EXOC6B: variants seen among roughly 807,000 people sequenced by gnomAD.
EXOC6B encodes SEC15 homolog B.
Under a neutral mutation model 113.5 loss-of-function variants are expected in EXOC6B, and 54 were observed. The observed-to-expected ratio is 0.48, with a 90% CI of 0.38 to 0.60. EXOC6B has a LOEUF of 0.60. Among genes scored for constraint, EXOC6B ranks in the 20% least tolerant of loss-of-function variants. The pLI is 0.00. For missense variants in EXOC6B, 797 were observed against 977.5 expected, an observed-to-expected ratio of 0.82 and a Z score of 2.46; for synonymous variants, 357 against 339.0, an observed-to-expected ratio of 1.05 and a Z score of -0.58.
chr2:72,523,575 G>A (rs1249776064), intron 8 of EXOC6B, among the ~76,000 whole-genome samples: 1 of 152,040 alleles, frequency 6.6e-6, no homozygotes, highest in Non-Finnish European at 1.5e-5. Flanking sequence ...TCAGGAGATC[G>A]TAGCCATCCT....
At chr2:72,408,836 C>G (rs1310678431) in intron 18 of EXOC6B, among the ~76,000 whole-genome samples, 1 of 152,106 alleles carries the variant, frequency 6.6e-6, no homozygotes, top group Non-Finnish European at 1.5e-5. Flanking sequence ...ACACCAAAAG[C>G]AATGGCAGCA....
At chr2:72,469,613 T>G (rs1698271357) in intron 17 of EXOC6B, among the ~76,000 whole-genome samples, 1 of 152,144 alleles carries the variant, frequency 6.6e-6, no homozygotes, top group East Asian at 1.9e-4. Context: ...GTTACTCATT[T>G]CTGGTTTAGT....
chr2:72,824,711 C>T (rs1050273605), intron 1 of EXOC6B, among the ~76,000 whole-genome samples: 1 of 152,160 alleles, frequency 6.6e-6, no homozygotes, highest in Non-Finnish European at 1.5e-5. Context: ...GCTGCATGAT[C>T]AGAATGCATA....
chr2:72,586,054 A>G (rs998104384), intron 6 of EXOC6B, among the ~76,000 whole-genome samples: 3 of 152,156 alleles, frequency 2.0e-5, no homozygotes, highest in Non-Finnish European at 4.4e-5. Context: ...TATATACCAA[A>G]GAATGAAGCT....
At chr2:72,180,747 G>C (rs1054257024) in intron 21 of EXOC6B, among the ~76,000 whole-genome samples, 1 of 152,122 alleles carries the variant, frequency 6.6e-6, no homozygotes, top group African/African-American at 2.4e-5. Flanking sequence ...GCAGATTAGA[G>C]GCCAGTGAGT....
At chr2:72,645,821 T>G (rs1673664967) in intron 6 of EXOC6B, among the ~76,000 whole-genome samples, 4 of 152,116 alleles carry the variant, frequency 2.6e-5, no homozygotes, top group Non-Finnish European at 4.4e-5. Context: ...TAGCACTAAA[T>G]GCCCACAAAA....
chr2:72,768,115 C>T (rs1480184174), intron 1 of EXOC6B, among the ~76,000 whole-genome samples: 1 of 126,416 alleles, frequency 7.9e-6, no homozygotes, highest in East Asian at 2.2e-4. Context: ...CAGAGTGAGA[C>T]TCCGTTAAAA....
intron 16 of EXOC6B, among the ~76,000 whole-genome samples, chr2:72,484,520 T>C (rs949476016): frequency 9.4e-5 from 13 of 137,630 alleles, no homozygotes; most frequent in African/African-American, 3.1e-4. Flanking sequence ...TGAGCCGAGA[T>C]CACGCCACTG....
At chr2:72,630,646 ATATT>A (rs1672327453) in intron 6 of EXOC6B, among the ~76,000 whole-genome samples, 2 of 152,134 alleles carry the variant, frequency 1.3e-5, no homozygotes, top group South Asian at 4.1e-4. Flanking sequence ...GATACAATAA[ATATT>A]TATTTTCATT....
intron 19 of EXOC6B, among the ~76,000 whole-genome samples, chr2:72,337,876 C>T (rs1688780901): frequency 6.6e-6 from 1 of 152,232 alleles, no homozygotes; most frequent in East Asian, 1.9e-4. Flanking sequence ...ACCAAACATC[C>T]ACTCAAAATA....
At chr2:72,726,825 T>C (rs1046024662) in intron 5 of EXOC6B, among the ~76,000 whole-genome samples, 3 of 152,166 alleles carry the variant, frequency 2.0e-5, no homozygotes, top group Non-Finnish European at 4.4e-5. Context: ...CAGTCAGCCC[T>C]TCATATTTGC....
At chr2:72,723,251 T>C (rs1680116797) in intron 5 of EXOC6B, among the ~76,000 whole-genome samples, 2 of 152,154 alleles carry the variant, frequency 1.3e-5, no homozygotes, top group African/African-American at 4.8e-5. Flanking sequence ...GGTCACTCTC[T>C]CCCCTCTTCT....
chr2:72,760,096 T>C (rs538380748), intron 1 of EXOC6B, among the ~76,000 whole-genome samples: 3 of 152,352 alleles, frequency 2.0e-5, no homozygotes, highest in African/African-American at 7.2e-5. Flanking sequence ...TATTAAATCA[T>C]TGTTATAGCA....
Position 72,617,232 on chromosome 2 carries a change from G to C in EXOC6B, c.670-41564C>G, listed in dbSNP as rs113839819. ...CCCTCCTGGCTGCTTTCACAGGCTG[G>C]TGTTGAGTGTCTGTGGCTTTTCTAG... On this transcript the variant is annotated intron_variant, in intron 6 of 21. Coordinates refer to ENST00000272427, the MANE Select transcript of EXOC6B (RefSeq NM_015189.3). Among the ~76,000 whole-genome samples, 23 of 152,304 alleles carry C rather than the reference G, an allele frequency of 1.5e-4. 2 individuals carry two copies. The highest frequency in any genetic ancestry group is 4.6e-4 in the African/African-American group (19 of 41,578).
intron 20 of EXOC6B, among the ~76,000 whole-genome samples, chr2:72,298,109 T>C (rs766427334): frequency 1.3e-5 from 2 of 152,168 alleles, no homozygotes; most frequent in Non-Finnish European, 2.9e-5. Context: ...CCCACTATTA[T>C]TGTGTGGGAG....
intron 19 of EXOC6B, among the ~76,000 whole-genome samples, chr2:72,339,175 T>C (rs1419694749): frequency 2.0e-5 from 3 of 152,238 alleles, no homozygotes; most frequent in Admixed American, 6.6e-5. Flanking sequence ...TGTAATATGC[T>C]GATGCATCCA....
At chr2:72,406,217 A>C (rs1246511432) in intron 18 of EXOC6B, among the ~76,000 whole-genome samples, 1 of 152,022 alleles carries the variant, frequency 6.6e-6, no homozygotes, top group Non-Finnish European at 1.5e-5. Flanking sequence ...TCCTTAGAGA[A>C]CTACAAAGAG....
intron 20 of EXOC6B, among the ~76,000 whole-genome samples, chr2:72,283,115 G>A (rs1685228719): frequency 6.6e-6 from 1 of 152,058 alleles, no homozygotes. Context: ...ATCTTTTAAA[G>A]GACACATAAG....
At chr2:72,454,456 T>C (rs1210732101) in intron 18 of EXOC6B, among the ~76,000 whole-genome samples, 1 of 152,012 alleles carries the variant, frequency 6.6e-6, no homozygotes, top group Non-Finnish European at 1.5e-5. Context: ...AGTGAGCTGT[T>C]ATCACATCAT....
Sources: allele counts gnomAD v4.1 joint callset (sites outside exome capture counted in the v4.1 genomes callset), GRCh38; gene constraint gnomAD v4.1.1; transcripts MANE v1.5; gene names NCBI Gene and HGNC (gene_info 2026-07-23, HGNC 2026-07-21).